Variants in NXPE2 observed in about 807,000 individuals in gnomAD.
NXPE2 encodes the protein neurexophilin and PC-esterase domain family member 2, also known as NXPE family member 2.
In NXPE2, 34 loss-of-function variants were observed where a neutral mutation model predicts 34.4. That is an observed-to-expected ratio of 0.99 (90% confidence interval 0.75 to 1.31). NXPE2 has a LOEUF of 1.31. Ranked by LOEUF, NXPE2 falls within the 40% of genes most tolerant of loss-of-function variation. The probability of loss-of-function intolerance (pLI) is 0.00; values close to 1 mark genes in which losing one functional copy is unlikely to be tolerated. For synonymous variants in NXPE2, 235 were observed against 231.3 expected, an observed-to-expected ratio of 1.02 and a Z score of -0.15; for missense variants, 649 against 672.5, an observed-to-expected ratio of 0.97 and a Z score of 0.39.
the NXPE2 span, among the ~76,000 whole-genome samples, chr11:114,536,577 C>T: frequency 6.6e-6 from 1 of 151,960 alleles, no homozygotes; most frequent in Non-Finnish European, 1.5e-5. Flanking sequence ...CAAATAGACG[C>T]CATAAAAAAT....
the NXPE2 span, among the ~76,000 whole-genome samples, chr11:114,495,932 G>A: frequency 6.6e-6 from 1 of 152,070 alleles, no homozygotes; most frequent in Admixed American, 6.5e-5. Context: ...CTTGAGCGCA[G>A]GAAATAAGTC....
the NXPE2 span, among the ~76,000 whole-genome samples, chr11:114,612,212 A>C: frequency 2.0e-5 from 3 of 151,872 alleles, no homozygotes; most frequent in Non-Finnish European, 4.4e-5. Context: ...GTGGAGAATA[A>C]GTGTTGCCTC....
At chr11:114,801,722 C>T in the NXPE2 span, among the ~76,000 whole-genome samples, 137 of 152,172 alleles carry the variant, frequency 9.0e-4, 1 homozygote, top group East Asian at 0.024. Flanking sequence ...GAAAAACCAG[C>T]AGGATTTGGT....
the NXPE2 span, among the ~76,000 whole-genome samples, chr11:114,611,331 G>A: frequency 6.6e-6 from 1 of 151,184 alleles, no homozygotes; most frequent in Non-Finnish European, 1.5e-5. Flanking sequence ...TGGATAATAA[G>A]TATTGCCTCA....
the NXPE2 span, among the ~76,000 whole-genome samples, chr11:114,565,910 G>C: frequency 1.3e-5 from 2 of 152,014 alleles, no homozygotes; most frequent in Non-Finnish European, 2.9e-5. Flanking sequence ...ATAGAGAAGA[G>C]GAGAAAGATT....
chr11:114,622,048 G>A, the NXPE2 span, among the ~76,000 whole-genome samples: 1 of 152,010 alleles, frequency 6.6e-6, no homozygotes, highest in Admixed American at 6.6e-5. Context: ...TGGATAATAA[G>A]TATTCCTTCA....
chr11:114,795,298 G>GATTC, the NXPE2 span, among the ~76,000 whole-genome samples: 180 of 152,290 alleles, frequency 1.2e-3, no homozygotes, highest in Admixed American at 3.5e-3. Context: ...TCAGAGATGG[G>GATTC]ATTCATTTTT....
the NXPE2 span, among the ~76,000 whole-genome samples, chr11:114,526,238 A>C: frequency 6.6e-6 from 1 of 152,184 alleles, no homozygotes; most frequent in Non-Finnish European, 1.5e-5. Context: ...GGATTAGCTC[A>C]ATGAGACCAG....
At chr11:114,581,739 A>G in the NXPE2 span, 2 of 1,612,066 alleles carry the variant, frequency 1.2e-6, no homozygotes, top group Non-Finnish European at 8.5e-7. Context: ...GCATTTGGAG[A>G]CACTAATTGT....
chr11:114,758,015 T>A, the NXPE2 span, among the ~76,000 whole-genome samples: 5 of 152,204 alleles, frequency 3.3e-5, no homozygotes, highest in African/African-American at 1.2e-4. Flanking sequence ...TTTGTTTGAT[T>A]GCCTTTGGCA....
the NXPE2 span, among the ~76,000 whole-genome samples, chr11:114,647,841 A>G: frequency 6.6e-6 from 1 of 151,936 alleles, no homozygotes; most frequent in Non-Finnish European, 1.5e-5. Flanking sequence ...AGCTAAGATT[A>G]CAGGTGCCTG....
At chr11:114,641,474 A>G in the NXPE2 span, among the ~76,000 whole-genome samples, 1 of 152,102 alleles carries the variant, frequency 6.6e-6, no homozygotes, top group Non-Finnish European at 1.5e-5. Context: ...CAATGAAAGT[A>G]CTTTATATCA....
At chr11:114,808,801 C>CCAAT in the NXPE2 span, among the ~76,000 whole-genome samples, 1 of 152,152 alleles carries the variant, frequency 6.6e-6, no homozygotes, top group African/African-American at 2.4e-5. Context: ...CGAAACTATT[C>CCAAT]CAATCAACAG....
At chr11:114,785,443 A>T in the NXPE2 span, among the ~76,000 whole-genome samples, 1 of 152,160 alleles carries the variant, frequency 6.6e-6, no homozygotes. Context: ...GAATAATAAT[A>T]ATGGGGTTAC....
chr11:114,605,605 T>A, the NXPE2 span, among the ~76,000 whole-genome samples: 2 of 152,048 alleles, frequency 1.3e-5, no homozygotes, highest in Admixed American at 1.3e-4. Context: ...TAACCACTGT[T>A]ACCCGGTGGA....
the NXPE2 span, among the ~76,000 whole-genome samples, chr11:114,481,750 C>T: frequency 6.6e-5 from 10 of 152,116 alleles, no homozygotes; most frequent in African/African-American, 2.2e-4. Flanking sequence ...TTAATTCTGT[C>T]TGTTGGCAAA....
At chr11:114,478,983 T>G in the NXPE2 span, among the ~76,000 whole-genome samples, 1 of 152,152 alleles carries the variant, frequency 6.6e-6, no homozygotes, top group East Asian at 1.9e-4. Context: ...TGAGTGTGAC[T>G]CATGGAAAAG....
At chr11:114,691,680 C>T (rs1157286040) in intron 2 of NXPE2, among the ~76,000 whole-genome samples, 2 of 152,212 alleles carry the variant, frequency 1.3e-5, no homozygotes, top group African/African-American at 2.4e-5. Flanking sequence ...AGATGACCTC[C>T]TCTCCACGTC....
the NXPE2 span, among the ~76,000 whole-genome samples, chr11:114,602,609 AATT>A: frequency 1.2e-4 from 17 of 141,078 alleles, 1 homozygote; most frequent in South Asian, 4.6e-4. Flanking sequence ...CATATATAAT[AATT>A]ATCTCATATA....
Sources: gnomAD v4.1 joint callset for allele counts (sites outside exome capture counted in the v4.1 genomes callset) on GRCh38, gnomAD v4.1.1 for gene constraint, MANE v1.5 for transcripts, NCBI Gene and HGNC (gene_info 2026-07-23, HGNC 2026-07-21) for gene names.